Variants in ZNF652 observed in about 807,000 individuals in gnomAD.
ZNF652 encodes zinc finger protein 652.
In ZNF652, 16 loss-of-function variants were observed where a neutral mutation model predicts 45.2. That is an observed-to-expected ratio of 0.35 (90% CI 0.24 to 0.54). The LOEUF is 0.54. Among genes scored for constraint, ZNF652 ranks in the 20% least tolerant of loss-of-function variants. The pLI is 0.91. For synonymous variants in ZNF652, 250 were observed against 260.6 expected (o/e 0.96, Z 0.39); for missense variants, 614 against 765.6 (o/e 0.80, Z 2.34).
intron 5 of ZNF652, 60 bp from the exon 6 acceptor site, chr17:49,298,984 CTTTTT>C (rs541337059): frequency 8.3e-7 from 1 of 1,203,512 alleles, no homozygotes; most frequent in African/African-American, 1.6e-5. Flanking sequence ...TGTGCTCAAG[CTTTTT>C]TTTTTTAATA....
At chr17:49,315,039 TTTG>T (rs1216919624) in intron 2 of ZNF652, among the ~76,000 whole-genome samples, 14 of 108,516 alleles carry the variant, frequency 1.3e-4, no homozygotes, top group African/African-American at 3.9e-4. Flanking sequence ...AGGGTTTTAG[TTTG>T]TTTTTTTTTT....
At chr17:49,347,932 AT>A (rs2070224107) in intron 1 of ZNF652, among the ~76,000 whole-genome samples, 1 of 151,758 alleles carries the variant, frequency 6.6e-6, no homozygotes, top group South Asian at 2.1e-4. Flanking sequence ...TTTTGTAGAG[AT>A]GGGGATCTCA....
intron 1 of ZNF652, among the ~76,000 whole-genome samples, chr17:49,334,972 G>A (rs1414975033): frequency 6.6e-6 from 1 of 152,116 alleles, no homozygotes. Context: ...GAGTAGGGAG[G>A]AGGGGGGAGT....
In ZNF652 at chr17:49,296,758, G is replaced by C. The variant is rs540689379; in HGVS notation, c.*1655C>G. 1 of 152,160 alleles carries C rather than the reference G, an allele frequency of 6.6e-6. No homozygotes were observed. Among genetic ancestry groups the C allele is most frequent in the South Asian group, 2.1e-4 (1 of 4,818 alleles). The allele number at this position is 152,160 out of a possible 1,614,324, so 9.4% of individuals were successfully genotyped here. A position where few individuals can be genotyped will look rare whatever the true frequency, so the allele number is the denominator to read the frequency against. ...TGTCTCTTAAAAAAAAAATTGGAGA[G>C]GGGGTGGGAGGTAAGTGATTTAGCC... On this transcript the variant is annotated 3_prime_UTR_variant, in exon 6 of 6. Coordinates refer to ENST00000430262, the MANE Select transcript of ZNF652 (RefSeq NM_001145365.3).
intron 1 of ZNF652, among the ~76,000 whole-genome samples, chr17:49,334,459 G>C (rs756330879): frequency 6.6e-6 from 1 of 152,058 alleles, no homozygotes; most frequent in African/African-American, 2.4e-5. Context: ...ACTCCAGTCT[G>C]GGCAACAGAG....
intron 1 of ZNF652, among the ~76,000 whole-genome samples, chr17:49,353,598 C>T (rs1264756697): frequency 6.6e-6 from 1 of 152,022 alleles, no homozygotes; most frequent in African/African-American, 2.4e-5. Flanking sequence ...CTATATAGGG[C>T]AGTGTTTTTT....
At chr17:49,309,715 G>C (rs1372361025) in intron 5 of ZNF652, among the ~76,000 whole-genome samples, 1 of 152,056 alleles carries the variant, frequency 6.6e-6, no homozygotes, top group Non-Finnish European at 1.5e-5. Context: ...TATCTTCAAA[G>C]TTATCATTTT....
At chr17:49,307,118 G>C (rs1331811356) in intron 5 of ZNF652, among the ~76,000 whole-genome samples, 1 of 152,040 alleles carries the variant, frequency 6.6e-6, no homozygotes, top group Non-Finnish European at 1.5e-5. Flanking sequence ...CAGGGAACTG[G>C]CTAAATAAAT....
In ZNF652 at chr17:49,298,757, G is replaced by A. The variant is rs1192623979; in HGVS notation, c.1477C>T (p.Arg493Trp). ...MLKAHKEKCF[R>W]VTSPVNVPPA... Reference sequence around the variant, plus strand: ...GGCACATTCACGGGGCTGGTCACCCGAAAGCACTTCTCCTTGTGGGCCTTA... The same window carrying A: ...GGCACATTCACGGGGCTGGTCACCCAAAAGCACTTCTCCTTGTGGGCCTTA... The change falls in exon 6 of 6, where the codon CGG (arginine) becomes TGG (tryptophan). Residue 493 changes from arginine (R) to tryptophan (W), a missense_variant. Physicochemically the swap from Arg to Trp is moderately radical, Grantham distance 101 (BLOSUM62 -3). Coordinates refer to ENST00000430262, the MANE Select transcript of ZNF652 (RefSeq NM_001145365.3). 1 of 1,614,084 alleles carries A rather than the reference G, an allele frequency of 6.2e-7. No individual in the cohort carries two copies. The highest frequency in any genetic ancestry group is 8.5e-7 in the Non-Finnish European group (1 of 1,180,024).
chr17:49,316,289 T>C (rs779767217), intron 2 of ZNF652, among the ~76,000 whole-genome samples: 6 of 152,222 alleles, frequency 3.9e-5, no homozygotes, highest in Non-Finnish European at 7.3e-5. Flanking sequence ...GTTTGCATAT[T>C]CCCATGGGCT....
chr17:49,312,977 A>G, intron 2 of ZNF652, 132 bp from the exon 3 acceptor site: 2 of 807,742 alleles, frequency 2.5e-6, no homozygotes, highest in Non-Finnish European at 3.8e-6. Context: ...ATTCTTCCAC[A>G]GAGCCCAGAT....
rs1237957940 is a variant in ZNF652, at chr17:49,298,511, C to G, written c.1723G>C (p.Ala575Pro). 1.9e-6 allele frequency: 3 copies of G among 1,612,038 alleles called. No individual in the cohort carries two copies. Among genetic ancestry groups the G allele is most frequent in the Non-Finnish European group, 2.5e-6 (3 of 1,179,656 alleles). The part of the protein sequence containing the change: ...PPVPHLPPPP[A>P]LFKSEPLNHR... Reference sequence around the variant, plus strand: ...TTTAAAGGCTCACTCTTAAAGAGAGCTGGAGGTGGCGGGAGGTGAGGGACT... The same window carrying G: ...TTTAAAGGCTCACTCTTAAAGAGAGGTGGAGGTGGCGGGAGGTGAGGGACT... Residue 575 changes from alanine to proline, a missense_variant, in exon 6 of 6, where the codon GCT (alanine) becomes CCT (proline). Coordinates refer to ENST00000430262, the MANE Select transcript of ZNF652 (RefSeq NM_001145365.3).
At position 49,289,398 on chromosome 17, in the gene ZNF652, AT is replaced by A. The variant is rs1010776627; in HGVS notation, c.*9014del. 1 of 152,330 alleles carries A rather than the reference AT, an allele frequency of 6.6e-6. No individual in the cohort carries two copies. The highest frequency in any genetic ancestry group is 6.5e-5 in the Admixed American group (1 of 15,296). 9.4% of individuals were successfully genotyped at this position (152,330 alleles called of 1,614,324 possible). A position where few individuals can be genotyped will look rare whatever the true frequency, so the allele number is the denominator to read the frequency against. ...AAAAAGTAGTTTTAACAATCTATAA[AT>A]TTTTTATACTTAAAATCATGATTGA... On this transcript the variant is annotated 3_prime_UTR_variant, in exon 6 of 6. Coordinates refer to ENST00000430262, the MANE Select transcript of ZNF652 (RefSeq NM_001145365.3).
intron 5 of ZNF652, among the ~76,000 whole-genome samples, chr17:49,302,347 G>C (rs1469533954): frequency 1.4e-5 from 2 of 147,000 alleles, no homozygotes; most frequent in Non-Finnish European, 3.0e-5. Flanking sequence ...GGAGTGCAGT[G>C]GTGCAATCTC....
intron 1 of ZNF652, among the ~76,000 whole-genome samples, chr17:49,349,529 G>A (rs2070248048): frequency 6.6e-6 from 1 of 152,176 alleles, no homozygotes; most frequent in Non-Finnish European, 1.5e-5. Flanking sequence ...ATCTACAATG[G>A]TATTCTGCCT....
At chr17:49,343,667 T>C (rs1281251821) in intron 1 of ZNF652, among the ~76,000 whole-genome samples, 1 of 152,112 alleles carries the variant, frequency 6.6e-6, no homozygotes, top group East Asian at 1.9e-4. Context: ...CTTTTTTTTT[T>C]TTTTTAAATA....
chr17:49,291,751 A>G lies in ZNF652; in HGVS notation c.*6662T>C, dbSNP rs1296605390. On this transcript the variant is annotated 3_prime_UTR_variant, in exon 6 of 6. Transcript: ENST00000430262. Reference sequence around the variant, plus strand: ...GATACTAAGTTACTAGTTACTATCCAAGAGGCAAACTTCTAGATCAATAAT... The same window carrying G: ...GATACTAAGTTACTAGTTACTATCCGAGAGGCAAACTTCTAGATCAATAAT... 1 of 152,260 alleles carries G rather than the reference A, an allele frequency of 6.6e-6. No individual in the cohort carries two copies. Among genetic ancestry groups the G allele is most frequent in the Non-Finnish European group, 1.5e-5 (1 of 68,050 alleles). The allele number at this position is 152,260 out of a possible 1,614,324, so 9.4% of individuals were successfully genotyped here.
Position 49,317,762 on chromosome 17 carries a change from TAAAG to T in ZNF652, c.-41_-38del, listed in dbSNP as rs1348921953. ...CCAATTTATTAAACAGTTCAGACTA[TAAAG>T]AAATAGCTTTAAAACAAGGTAATTA... is the stretch of plus-strand genomic sequence containing the variant. On this transcript the variant is annotated 5_prime_UTR_variant, in exon 2 of 6. It introduces an in-frame stop codon into an upstream open reading frame of the 5' UTR. Transcript: ENST00000430262. The T allele has an allele frequency of 3.3e-6, 5 of 1,502,002 alleles. No homozygotes were observed. The highest frequency in any genetic ancestry group is 1.8e-4 in the Middle Eastern group (1 of 5,600). The allele number at this position is 1,502,002 out of a possible 1,614,324, so 93.0% of individuals were successfully genotyped here.
intron 1 of ZNF652, among the ~76,000 whole-genome samples, chr17:49,327,767 ATATATATATATATTTTT>A (rs1285307521): frequency 2.7e-3 from 13 of 4,896 alleles, no homozygotes; most frequent in African/African-American, 0.013. Flanking sequence ...ATATATATAT[ATATATATATATATTTTT>A]TTTTTTTTTT....
Sources: gnomAD v4.1 joint callset for allele counts (sites outside exome capture counted in the v4.1 genomes callset) on GRCh38, gnomAD v4.1.1 for gene constraint, MANE v1.5 for transcripts, NCBI Gene and HGNC (gene_info 2026-07-23, HGNC 2026-07-21) for gene names.